The following LUZP2 variants were observed in gnomAD, a reference collection of about 807,000 sequenced individuals.
The protein encoded by LUZP2 is leucine zipper protein 2.
In LUZP2, 52 loss-of-function variants were observed where a neutral mutation model predicts 51.6. The observed-to-expected ratio is 1.01, with a 90% CI of 0.81 to 1.27. The LOEUF (loss-of-function observed/expected upper bound fraction) is 1.27. Ranked by LOEUF, LUZP2 falls within the 50% of genes most tolerant of loss-of-function variation. The pLI, the probability that LUZP2 is intolerant of heterozygous loss-of-function variation, is 0.00. For missense variants in LUZP2, 436 were observed against 395.4 expected, an observed-to-expected ratio of 1.10 and a Z score of -0.87; for synonymous variants, 154 against 137.3, an observed-to-expected ratio of 1.12 and a Z score of -0.85.
chr11:25,022,723 A>C (rs552157146), intron 9 of LUZP2, among the ~76,000 whole-genome samples: 2 of 152,144 alleles, frequency 1.3e-5, no homozygotes, highest in South Asian at 4.1e-4. Context: ...AGGCTTACAG[A>C]TTCTCTATAT....
rs1242372211 is a variant in LUZP2, at chr11:24,536,630, A to G, written c.62+39325A>G. 2.0e-5 allele frequency among the ~76,000 whole-genome samples: 3 copies of G among 151,884 alleles called. No individual in the cohort carries two copies. In the Admixed American group the frequency reaches 2.0e-4, roughly 10 times the overall value. On this transcript the variant is annotated intron_variant, in intron 1 of 11. Coordinates refer to ENST00000336930, the MANE Select transcript of LUZP2 (RefSeq NM_001009909.4). ...ATGGATTAGATTTTGATTTAATAGAACATTGTGGCTGGTTTGATCTTCTAT... is the reference window on the plus strand; with the variant it reads ...ATGGATTAGATTTTGATTTAATAGAGCATTGTGGCTGGTTTGATCTTCTAT...
chr11:24,661,374 G>A (rs1055602359), intron 1 of LUZP2, among the ~76,000 whole-genome samples: 1 of 152,162 alleles, frequency 6.6e-6, no homozygotes, highest in Non-Finnish European at 1.5e-5. Context: ...AAAACTTGGT[G>A]AGGATTGTGC....
At chr11:24,627,821 G>T (rs1854736648) in intron 1 of LUZP2, among the ~76,000 whole-genome samples, 1 of 152,106 alleles carries the variant, frequency 6.6e-6, no homozygotes, top group African/African-American at 2.4e-5. Flanking sequence ...AGTGTCTCTT[G>T]TCACTATTCA....
Position 24,799,317 on chromosome 11 carries a change from G to A in LUZP2, c.396+36009G>A, listed in dbSNP as rs752242864. Among the ~76,000 whole-genome samples, 3 of 152,128 alleles carry A rather than the reference G, an allele frequency of 2.0e-5. No homozygotes were observed. In the East Asian group the frequency reaches 5.8e-4, roughly 29 times the overall value. ...TTCCACAGCTATTAAATTCAAAGGGGCCGGGTGTGGTGGCTCACGCCAGTA... is the reference window on the plus strand; with the variant it reads ...TTCCACAGCTATTAAATTCAAAGGGACCGGGTGTGGTGGCTCACGCCAGTA... On this transcript the variant is annotated intron_variant, in intron 5 of 11. Coordinates refer to ENST00000336930, the MANE Select transcript of LUZP2 (RefSeq NM_001009909.4).
In LUZP2 at chr11:25,069,419, A is replaced by G. The variant is rs117805986; in HGVS notation, c.859-7910A>G. 3.9e-5 allele frequency among the ~76,000 whole-genome samples: 6 copies of G among 152,056 alleles called. No individual in the cohort carries two copies. In the East Asian group the frequency reaches 9.7e-4, roughly 25 times the overall value. ...TCAAATCAATTTCAGCATCTGGTACATAACAGATACCTGGTAAGTTATGGT... is the reference window on the plus strand; with the variant it reads ...TCAAATCAATTTCAGCATCTGGTACGTAACAGATACCTGGTAAGTTATGGT... On this transcript the variant is annotated intron_variant, in intron 10 of 11. Transcript: ENST00000336930.
chr11:24,601,333 C>A lies in LUZP2; in HGVS notation c.62+104028C>A, dbSNP rs79665806. On this transcript the variant is annotated intron_variant, in intron 1 of 11. Coordinates refer to ENST00000336930, the MANE Select transcript of LUZP2 (RefSeq NM_001009909.4). ...ATGTCAGCTGTGTGGTACTCAATTT[C>A]TGATCTATAGAATTGTAGATAACAA... 7.9e-3 allele frequency among the ~76,000 whole-genome samples: 1,199 copies of A among 152,036 alleles called. 18 individuals carry two copies. Among genetic ancestry groups the A allele is most frequent in the African/African-American group, 0.027 (1,134 of 41,500 alleles).
At chr11:24,962,854 C>T (rs1855457037) in intron 7 of LUZP2, among the ~76,000 whole-genome samples, 1 of 152,154 alleles carries the variant, frequency 6.6e-6, no homozygotes, top group South Asian at 2.1e-4. Context: ...TTTAGAGTTT[C>T]CAGTTTTTCT....
At chr11:24,712,313 CAGT>C (rs1176441279) in intron 1 of LUZP2, among the ~76,000 whole-genome samples, 1 of 151,914 alleles carries the variant, frequency 6.6e-6, no homozygotes, top group Non-Finnish European at 1.5e-5. Flanking sequence ...CTCACATACT[CAGT>C]AGGCTAAGGC....
intron 5 of LUZP2, among the ~76,000 whole-genome samples, chr11:24,901,071 C>T (rs10834540): frequency 0.41 from 61,638 of 151,520 alleles, 14,663 homozygotes; most frequent in East Asian, 0.68. Flanking sequence ...AAAAACAAAA[C>T]AGAACAAAAA....
intron 1 of LUZP2, among the ~76,000 whole-genome samples, chr11:24,699,688 GACAC>G (rs1008410490): frequency 1.0e-5 from 1 of 99,964 alleles, no homozygotes; most frequent in Admixed American, 9.9e-5. Context: ...TATATACACA[GACAC>G]ACACACACAC....
intron 1 of LUZP2, among the ~76,000 whole-genome samples, chr11:24,657,543 C>G (rs1279009511): frequency 6.6e-6 from 1 of 152,150 alleles, no homozygotes; most frequent in African/African-American, 2.4e-5. Context: ...TCTCTCACCA[C>G]TCCTATTCAA....
At chr11:24,541,706 A>G (rs1851369756) in intron 1 of LUZP2, among the ~76,000 whole-genome samples, 1 of 152,086 alleles carries the variant, frequency 6.6e-6, no homozygotes, top group African/African-American at 2.4e-5. Context: ...TAAAAACAAA[A>G]CTTTTATTAT....
chr11:24,751,158 C>T (rs139667167), intron 4 of LUZP2, among the ~76,000 whole-genome samples: 1 of 152,124 alleles, frequency 6.6e-6, no homozygotes. Flanking sequence ...CCATTGCTAA[C>T]TCATTCCCCC....
rs139685246 is a variant in LUZP2, at chr11:24,640,264, C to T, written c.63-88905C>T. Among the ~76,000 whole-genome samples, 12 of 151,838 alleles carry T rather than the reference C, an allele frequency of 7.9e-5. No homozygotes were observed. The South Asian group carries it at 1.2e-3, about 16-fold the overall frequency. ...CCTGTGTATGTTTAGTCAAGCTGGG[C>T]GGAAAGTTAAGGGCATCTTGGTCGT... is the stretch of plus-strand genomic sequence containing the variant. On this transcript the variant is annotated intron_variant, in intron 1 of 11. Coordinates refer to ENST00000336930, the MANE Select transcript of LUZP2 (RefSeq NM_001009909.4).
At position 24,686,756 on chromosome 11, in the gene LUZP2, T is replaced by G. The variant is rs570942771; in HGVS notation, c.63-42413T>G. ...CAGCGATTTCCAAAATTCAGCCACT[T>G]TTAGGTGAATACTATATAATTTTTA... is the stretch of plus-strand genomic sequence containing the variant. On this transcript the variant is annotated intron_variant, in intron 1 of 11. Transcript: ENST00000336930. 1.0e-3 allele frequency among the ~76,000 whole-genome samples: 153 copies of G among 152,338 alleles called. 12 individuals are homozygous for G. Among genetic ancestry groups the G allele is most frequent in the Middle Eastern group, 3.4e-3 (1 of 294 alleles).
intron 1 of LUZP2, among the ~76,000 whole-genome samples, chr11:24,709,312 A>T (rs1405991324): frequency 6.6e-6 from 1 of 152,210 alleles, no homozygotes; most frequent in Non-Finnish European, 1.5e-5. Flanking sequence ...AAAAATATAA[A>T]GAGAATATGT....
Position 24,877,312 on chromosome 11 carries a change from G to A in LUZP2, c.397-28679G>A, listed in dbSNP as rs192483341. 1.4e-3 allele frequency among the ~76,000 whole-genome samples: 220 copies of A among 152,054 alleles called. 2 individuals are homozygous for A. The highest frequency in any genetic ancestry group is 0.01 in the Middle Eastern group (3 of 292). ...GTGAATATTTTATAAATCATTATTC[G>A]TGAGAGTAAGTCATTAACTCTCTGA... On this transcript the variant is annotated intron_variant, in intron 5 of 11. Transcript: ENST00000336930.
intron 5 of LUZP2, among the ~76,000 whole-genome samples, chr11:24,839,975 A>G (rs974922): frequency 0.18 from 26,730 of 151,632 alleles, 2,577 homozygotes; most frequent in African/African-American, 0.24. Flanking sequence ...ATCTAGCCCC[A>G]GCATATTTTG....
intron 6 of LUZP2, among the ~76,000 whole-genome samples, chr11:24,912,052 C>T (rs1250020731): frequency 6.6e-6 from 1 of 152,094 alleles, no homozygotes; most frequent in Non-Finnish European, 1.5e-5. Flanking sequence ...TTAAGTGATA[C>T]AGAATTATTA....
Sources: allele counts gnomAD v4.1 joint callset (sites outside exome capture counted in the v4.1 genomes callset), GRCh38; gene constraint gnomAD v4.1.1; transcripts MANE v1.5; gene names NCBI Gene and HGNC (gene_info 2026-07-23, HGNC 2026-07-21).